The following SHISA9 variants were observed in gnomAD, a reference collection of about 807,000 sequenced individuals.
SHISA9 encodes the protein shisa family member 9.
Under a neutral mutation model 38.0 loss-of-function variants are expected in SHISA9, and 13 were observed. That is an observed-to-expected ratio of 0.34 (90% CI 0.22 to 0.54). SHISA9 has a LOEUF of 0.54. Among genes scored for constraint, SHISA9 ranks in the 20% least tolerant of loss-of-function variants. The pLI is 0.91. For synonymous variants in SHISA9, 275 were observed against 242.0 expected (o/e 1.14, Z -1.27); for missense variants, 538 against 575.8 (o/e 0.93, Z 0.67).
chr16:13,441,273 G>A, the SHISA9 span, among the ~76,000 whole-genome samples: 608 of 152,186 alleles, frequency 4.0e-3, 3 homozygotes, highest in African/African-American at 0.014. Context: ...AGGCTCAGAG[G>A]GACACAAAAC....
At position 13,019,953 on chromosome 16, in the gene SHISA9, TTCTTTCCC is replaced by T. The variant is rs1567184275; in HGVS notation, c.691+103141_691+103148del. ...TTTCTTTCTTTCTTTCTTTCTTTCT[TTCTTTCCC>T]TCCTTCTTTCCTTCCTTCCTTCCTT... is the stretch of plus-strand genomic sequence containing the variant. On this transcript the variant is annotated intron_variant, in intron 2 of 4. Transcript: ENST00000558583. Among the ~76,000 whole-genome samples the T allele has an allele frequency of 1.6e-3, 155 of 97,264 alleles. 4 individuals are homozygous for T. Among genetic ancestry groups the T allele is most frequent in the Non-Finnish European group, 2.4e-3 (109 of 45,638 alleles). 63.8% of individuals were successfully genotyped at this position (97,264 alleles called of 152,430 possible).
intron 2 of SHISA9, among the ~76,000 whole-genome samples, chr16:12,946,445 G>A (rs200688833): frequency 1.3e-5 from 2 of 152,226 alleles, no homozygotes; most frequent in East Asian, 3.9e-4. Flanking sequence ...GGATTTGGGG[G>A]CATTTAATTT....
chr16:13,193,576 C>T (rs1434735444), intron 2 of SHISA9, among the ~76,000 whole-genome samples: 3 of 152,176 alleles, frequency 2.0e-5, no homozygotes, highest in African/African-American at 4.8e-5. Context: ...GAACTCCTGA[C>T]CTCAGGTGAT....
At chr16:13,280,382 A>G in the SHISA9 span, among the ~76,000 whole-genome samples, 4 of 151,664 alleles carry the variant, frequency 2.6e-5, no homozygotes, top group Non-Finnish European at 1.5e-5. Context: ...GAGGTGGACA[A>G]TTAGTCTATT....
intron 2 of SHISA9, among the ~76,000 whole-genome samples, chr16:12,969,891 C>T (rs1053395344): frequency 1.9e-4 from 29 of 151,986 alleles, no homozygotes; most frequent in African/African-American, 6.5e-4. Context: ...AAATGTAGAA[C>T]GTGCAAAACA....
At chr16:12,968,189 C>CAAAAAAAAAAAAA (rs200194973) in intron 2 of SHISA9, among the ~76,000 whole-genome samples, 8 of 82,044 alleles carry the variant, frequency 9.8e-5, no homozygotes, top group African/African-American at 2.5e-4. Flanking sequence ...GGCTCCATCT[C>CAAAAAAAAAAAAA]AAAAAAAAAA....
intron 2 of SHISA9, among the ~76,000 whole-genome samples, chr16:12,955,201 C>T (rs1329745510): frequency 6.6e-6 from 1 of 152,118 alleles, no homozygotes; most frequent in South Asian, 2.1e-4. Flanking sequence ...ATGGGCATGT[C>T]AGGACTGGCT....
Position 13,134,606 on chromosome 16 carries a change from G to C in SHISA9, c.692-68788G>C, listed in dbSNP as rs182810411. Among the ~76,000 whole-genome samples, 997 of 152,292 alleles carry C rather than the reference G, an allele frequency of 6.5e-3. 2 individuals carry two copies. Among genetic ancestry groups the C allele is most frequent in the Non-Finnish European group, 0.01 (695 of 68,022 alleles). On this transcript the variant is annotated intron_variant, in intron 2 of 4. Transcript: ENST00000558583. ...GTGGCCGGAGCAAAGGTGAGGTGGA[G>C]GTGAGTATGGTGGGAGACGAGGCTG... is the stretch of plus-strand genomic sequence containing the variant.
chr16:13,322,495 G>A, the SHISA9 span, among the ~76,000 whole-genome samples: 1 of 152,208 alleles, frequency 6.6e-6, no homozygotes, highest in Admixed American at 6.5e-5. Context: ...TGGATAAGTG[G>A]GGAATGTCTG....
chr16:13,132,247 G>C (rs970786984), intron 2 of SHISA9, among the ~76,000 whole-genome samples: 1 of 152,158 alleles, frequency 6.6e-6, no homozygotes, highest in African/African-American at 2.4e-5. Context: ...AATGGGGATA[G>C]TAATAGTATC....
the SHISA9 span, among the ~76,000 whole-genome samples, chr16:13,325,180 A>G: frequency 6.6e-6 from 1 of 152,218 alleles, no homozygotes; most frequent in African/African-American, 2.4e-5. Flanking sequence ...ATTTTCCCCC[A>G]GAAGAGATGG....
intron 2 of SHISA9, among the ~76,000 whole-genome samples, chr16:13,094,010 C>T (rs1312510381): frequency 6.6e-6 from 1 of 152,182 alleles, no homozygotes; most frequent in Non-Finnish European, 1.5e-5. Context: ...TAGGTCCCAA[C>T]AGAAGCTGGC....
At chr16:13,407,206 GA>G in the SHISA9 span, among the ~76,000 whole-genome samples, 6 of 151,554 alleles carry the variant, frequency 4.0e-5, no homozygotes, top group Non-Finnish European at 8.8e-5. Context: ...TGGAGGCCAA[GA>G]AGTCCTAGAT....
chr16:13,385,484 T>C, the SHISA9 span, among the ~76,000 whole-genome samples: 1 of 148,402 alleles, frequency 6.7e-6, no homozygotes, highest in Non-Finnish European at 1.5e-5. Flanking sequence ...AACTGTGGTA[T>C]ATCCATACCA....
chr16:13,420,798 C>T, the SHISA9 span, among the ~76,000 whole-genome samples: 1 of 152,162 alleles, frequency 6.6e-6, no homozygotes, highest in Non-Finnish European at 1.5e-5. Context: ...CACATTTCTT[C>T]TGCAGTGTCA....
chr16:13,221,614 T>A (rs1046660808), intron 4 of SHISA9, among the ~76,000 whole-genome samples: 5 of 152,184 alleles, frequency 3.3e-5, no homozygotes, highest in Non-Finnish European at 7.3e-5. Context: ...ATTTCTTTTT[T>A]AAACAACTTT....
intron 2 of SHISA9, among the ~76,000 whole-genome samples, chr16:13,039,736 G>C (rs1179138797): frequency 6.6e-6 from 1 of 152,106 alleles, no homozygotes; most frequent in Non-Finnish European, 1.5e-5. Context: ...CCACACACCT[G>C]TTCTTTGTCA....
intron 2 of SHISA9, among the ~76,000 whole-genome samples, chr16:12,928,372 A>G (rs1349261660): frequency 6.6e-6 from 1 of 151,890 alleles, no homozygotes; most frequent in Non-Finnish European, 1.5e-5. Context: ...TAATCAGACC[A>G]TCCATTGTCT....
intron 2 of SHISA9, among the ~76,000 whole-genome samples, chr16:13,062,286 C>G (rs276629): frequency 0.23 from 34,542 of 151,990 alleles, 4,838 homozygotes; most frequent in African/African-American, 0.4. Flanking sequence ...GTAGTGATCA[C>G]CTGACTCCGT....
Sources: allele counts gnomAD v4.1 joint callset (sites outside exome capture counted in the v4.1 genomes callset), GRCh38; gene constraint gnomAD v4.1.1; transcripts MANE v1.5; gene names NCBI Gene and HGNC (gene_info 2026-07-23, HGNC 2026-07-21).